Variants in CDC42 observed in about 807,000 individuals in gnomAD.
CDC42 encodes cell division control protein 42 homolog.
In CDC42, 1 loss-of-function variant was observed where a neutral mutation model predicts 20.8. That is an observed-to-expected ratio of 0.05 (90% CI 0.02 to 0.23). The LOEUF (loss-of-function observed/expected upper bound fraction) is 0.23, where lower values mean the gene tolerates loss of function less well. Among genes scored for constraint, CDC42 ranks in the 10% least tolerant of loss-of-function variants. CDC42 has a pLI of 1.00. For synonymous variants in CDC42, 72 were observed against 84.8 expected (o/e 0.85, Z 0.83); for missense variants, 49 against 227.9 (o/e 0.21, Z 5.05).
intron 1 of CDC42, among the ~76,000 whole-genome samples, chr1:22,065,636 G>A (rs1377437186): frequency 6.6e-6 from 1 of 152,196 alleles, no homozygotes. Flanking sequence ...TAGTGGTCTT[G>A]TGAATTAGAT....
intron 1 of CDC42, among the ~76,000 whole-genome samples, chr1:22,066,065 A>G (rs1173854200): frequency 2.0e-5 from 3 of 152,112 alleles, no homozygotes; most frequent in Non-Finnish European, 2.9e-5. Flanking sequence ...TTTTTTTCAT[A>G]TTACTACTTT....
At chr1:22,073,688 G>T (rs549986390) in intron 1 of CDC42, among the ~76,000 whole-genome samples, 9 of 152,242 alleles carry the variant, frequency 5.9e-5, no homozygotes, top group African/African-American at 1.7e-4. Context: ...TTGAGACAGG[G>T]TCTTGCTCTG....
intron 5 of CDC42, 46 bp from the exon 6 acceptor site, chr1:22,091,382 A>G (rs1203235334): frequency 8.2e-7 from 1 of 1,218,436 alleles, no homozygotes; most frequent in East Asian, 2.3e-5. Context: ...CAACTTTATT[A>G]TACTGAAAAT....
At position 22,100,973 on chromosome 1, in the gene CDC42, G is replaced by A. The variant is rs1557914202; in HGVS notation, c.*9456G>A. 6.6e-6 allele frequency: 1 copy of A among 152,138 alleles called. No individual in the cohort carries two copies. Among genetic ancestry groups the A allele is most frequent in the Non-Finnish European group, 1.5e-5 (1 of 68,032 alleles). 9.4% of individuals were successfully genotyped at this position (152,138 alleles called of 1,614,324 possible). On this transcript the variant is annotated 3_prime_UTR_variant, in exon 6 of 6. Transcript: ENST00000656825. The stretch of plus-strand genomic sequence containing the variant: ...AACTTGAGGATTTCACAATTGTATT[G>A]GAATTATTGGTGTTAAGGAGTTAGG...
intron 1 of CDC42, among the ~76,000 whole-genome samples, chr1:22,069,213 G>A (rs984561644): frequency 9.6e-6 from 1 of 103,976 alleles, no homozygotes; most frequent in Non-Finnish European, 1.8e-5. Flanking sequence ...ATCTCACTCT[G>A]TCCCCAGGCT....
At chr1:22,053,253 T>TTTTG in intron 1 of CDC42, 1 of 102,898 alleles carries the variant, frequency 9.7e-6, no homozygotes. Context: ...GCGGACATTT[T>TTTTG]GCGGCGGGGG....
intron 2 of CDC42, among the ~76,000 whole-genome samples, chr1:22,081,221 G>A (rs1645604324): frequency 6.6e-6 from 1 of 152,098 alleles, no homozygotes; most frequent in Non-Finnish European, 1.5e-5. Flanking sequence ...GACACTTTGA[G>A]TACTTTGAGG....
chr1:22,086,158 T>C (rs915572105), intron 3 of CDC42, among the ~76,000 whole-genome samples: 2 of 152,184 alleles, frequency 1.3e-5, no homozygotes, highest in African/African-American at 2.4e-5. Context: ...AGCAAGAGTT[T>C]ATTATTACAT....
chr1:22,078,401 TAAAC>T (rs1645573933), intron 1 of CDC42, 24 bp from the exon 2 acceptor site: 2 of 1,122,344 alleles, frequency 1.8e-6, no homozygotes, highest in Non-Finnish European at 2.6e-6. Context: ...TAAGTATAAA[TAAAC>T]AAATGTCTTT....
At chr1:22,076,805 AAGG>A (rs1645555904) in intron 1 of CDC42, among the ~76,000 whole-genome samples, 1 of 152,074 alleles carries the variant, frequency 6.6e-6, no homozygotes, top group Non-Finnish European at 1.5e-5. Flanking sequence ...ATAAAAGGGA[AAGG>A]AGAAGGAAAA....
intron 2 of CDC42, chr1:22,078,793 GAAGT>G: frequency 6.9e-7 from 1 of 1,443,824 alleles, no homozygotes; most frequent in Non-Finnish European, 9.2e-7. Context: ...GGGTTTGCAA[GAAGT>G]GCTGGGAGGC....
intron 5 of CDC42, among the ~76,000 whole-genome samples, chr1:22,089,325 A>AT (rs1423206744): frequency 6.6e-6 from 1 of 152,214 alleles, no homozygotes; most frequent in Non-Finnish European, 1.5e-5. Context: ...CCATGCAGAC[A>AT]TCTTAAAGCA....
rs1323655402 is a variant in CDC42 at position 22,100,001 on chromosome 1, C to G, written c.*8484C>G. On this transcript the variant is annotated 3_prime_UTR_variant, in exon 6 of 6. Transcript: ENST00000656825. ...CTGTCTCTAGAGTCTGCTCAGCTGG[C>G]CTTTTTTTCTTTCTTCTTCTTCTTC... Among the ~76,000 whole-genome samples, 1 of 149,920 alleles carries G rather than the reference C, an allele frequency of 6.7e-6. No homozygotes were observed. Among genetic ancestry groups the G allele is most frequent in the East Asian group, 2.0e-4 (1 of 5,080 alleles).
At chr1:22,053,615 A>G (rs1299196188) in intron 1 of CDC42, among the ~76,000 whole-genome samples, 3 of 152,122 alleles carry the variant, frequency 2.0e-5, no homozygotes, top group South Asian at 4.1e-4. Flanking sequence ...TAAGTCCAAG[A>G]TAAATGTAGT....
At chr1:22,055,490 AT>A (rs35959719) in intron 1 of CDC42, among the ~76,000 whole-genome samples, 352 of 137,324 alleles carry the variant, frequency 2.6e-3, no homozygotes, top group Non-Finnish European at 2.4e-3. Context: ...AAAATTGGTG[AT>A]TTTTTTTTTT....
intron 1 of CDC42, among the ~76,000 whole-genome samples, chr1:22,055,924 G>A (rs141699490): frequency 1.3e-5 from 2 of 150,522 alleles, no homozygotes; most frequent in East Asian, 3.9e-4. Flanking sequence ...AGGCTACAGG[G>A]CTTCCTTTGA....
chr1:22,080,156 C>T (rs1045147699), intron 2 of CDC42, among the ~76,000 whole-genome samples: 1 of 152,160 alleles, frequency 6.6e-6, no homozygotes, highest in Admixed American at 6.5e-5. Context: ...TGAGGGTACT[C>T]AGGCCCAATT....
At chr1:22,079,182 T>A (rs1238795709) in intron 2 of CDC42, among the ~76,000 whole-genome samples, 1 of 149,764 alleles carries the variant, frequency 6.7e-6, no homozygotes, top group Non-Finnish European at 1.5e-5. Context: ...TCGTCCATTC[T>A]ATCTGGAGTG....
At chr1:22,080,206 G>A (rs773568293) in intron 2 of CDC42, among the ~76,000 whole-genome samples, 17 of 152,162 alleles carry the variant, frequency 1.1e-4, no homozygotes, top group Non-Finnish European at 2.1e-4. Flanking sequence ...ATTACTTAGC[G>A]TAATTACACT....
Sources: allele counts gnomAD v4.1 joint callset (sites outside exome capture counted in the v4.1 genomes callset), GRCh38; gene constraint gnomAD v4.1.1; transcripts MANE v1.5; gene names NCBI Gene and HGNC (gene_info 2026-07-23, HGNC 2026-07-21).